Variants in NPAS3 observed in about 807,000 individuals in gnomAD.
The protein encoded by NPAS3 is neuronal PAS domain protein 3.
Under a neutral mutation model 73.1 loss-of-function variants are expected in NPAS3, and 14 were observed. The ratio of observed to expected loss-of-function variants is 0.19; its 90% confidence interval spans 0.13 to 0.30. The LOEUF is 0.30. NPAS3 is among the 10% of genes least tolerant of loss of function. The pLI is 1.00. For synonymous variants in NPAS3, 620 were observed against 541.5 expected (o/e 1.14, Z -2.01); for missense variants, 1,096 against 1,250.0 (o/e 0.88, Z 1.86).
chr14:32,971,858 A>G (rs931527995), intron 1 of NPAS3, among the ~76,000 whole-genome samples: 3 of 152,114 alleles, frequency 2.0e-5, no homozygotes, highest in African/African-American at 7.2e-5. Context: ...AATCTGGTAA[A>G]CAGCATTTAT....
chr14:33,090,856 T>C (rs990887332), intron 2 of NPAS3, among the ~76,000 whole-genome samples: 3 of 152,116 alleles, frequency 2.0e-5, no homozygotes, highest in African/African-American at 7.2e-5. Context: ...TCAAAACCGC[T>C]CAACTACATG....
At chr14:32,943,533 T>C (rs2036118406) in intron 1 of NPAS3, among the ~76,000 whole-genome samples, 1 of 152,174 alleles carries the variant, frequency 6.6e-6, no homozygotes, top group Non-Finnish European at 1.5e-5. Flanking sequence ...CAATTGTGTC[T>C]GTTTGAAGTA....
intron 3 of NPAS3, among the ~76,000 whole-genome samples, chr14:33,228,837 G>A (rs1417585326): frequency 1.3e-5 from 2 of 152,190 alleles, no homozygotes; most frequent in Admixed American, 1.3e-4. Flanking sequence ...AGGAGAAAAA[G>A]ACGGTAGTCC....
intron 4 of NPAS3, among the ~76,000 whole-genome samples, chr14:33,377,316 A>G (rs1408390892): frequency 6.6e-6 from 1 of 152,214 alleles, no homozygotes; most frequent in African/African-American, 2.4e-5. Flanking sequence ...GTGACATGCC[A>G]TTACTCTCCT....
upstream of NPAS3, among the ~76,000 whole-genome samples, chr14:32,935,248 A>C (rs2035659813): frequency 6.6e-6 from 1 of 152,220 alleles, no homozygotes; most frequent in South Asian, 2.1e-4. Context: ...CCAGAGCTTC[A>C]GCCCCGAGTA....
chr14:32,956,695 A>G (rs2036683954), intron 1 of NPAS3, among the ~76,000 whole-genome samples: 1 of 152,204 alleles, frequency 6.6e-6, no homozygotes, highest in Non-Finnish European at 1.5e-5. Context: ...ATTCAGACAT[A>G]TTGACATATG....
chr14:33,469,347 G>C (rs1241239086), intron 4 of NPAS3, among the ~76,000 whole-genome samples: 1 of 151,046 alleles, frequency 6.6e-6, no homozygotes, highest in Non-Finnish European at 1.5e-5. Context: ...CTATGTGCTA[G>C]TCATAGAGTG....
intron 1 of NPAS3, among the ~76,000 whole-genome samples, chr14:32,997,797 C>CTTCCACCATGA (rs2038644146): frequency 6.6e-6 from 1 of 151,814 alleles, no homozygotes; most frequent in Admixed American, 6.6e-5. Flanking sequence ...CTTGCTCCTC[C>CTTCCACCATGA]TTGCCTTCCA....
At chr14:32,938,174 A>G (rs1412411030), upstream of NPAS3, among the ~76,000 whole-genome samples, 1 of 152,064 alleles carries the variant, frequency 6.6e-6, no homozygotes, top group Non-Finnish European at 1.5e-5. Context: ...CGCTGCTGAG[A>G]GCGCCAGAGC....
At chr14:33,142,895 A>G (rs1416578243) in intron 2 of NPAS3, among the ~76,000 whole-genome samples, 2 of 148,842 alleles carry the variant, frequency 1.3e-5, no homozygotes, top group African/African-American at 2.5e-5. Context: ...TGAGGTCAGG[A>G]GTTCAAGACC....
At chr14:33,287,625 C>T (rs2041931308) in intron 3 of NPAS3, among the ~76,000 whole-genome samples, 2 of 152,188 alleles carry the variant, frequency 1.3e-5, no homozygotes, top group South Asian at 4.1e-4. Context: ...TCTCCTACTA[C>T]TTAGTGCAAG....
intron 2 of NPAS3, among the ~76,000 whole-genome samples, chr14:33,206,205 A>T (rs1406699477): frequency 6.6e-6 from 1 of 152,230 alleles, no homozygotes. Flanking sequence ...TTATTCCTAT[A>T]GCGGCAATAT....
At chr14:33,032,394 G>A (rs917537615) in intron 1 of NPAS3, among the ~76,000 whole-genome samples, 2 of 152,164 alleles carry the variant, frequency 1.3e-5, no homozygotes, top group Non-Finnish European at 2.9e-5. Context: ...CAAGGCAAAA[G>A]GAAATGAAGG....
Position 33,473,013 on chromosome 14 carries a change from G to A in NPAS3, c.469-87108G>A, listed in dbSNP as rs1467866858. On this transcript the variant is annotated intron_variant, in intron 4 of 11. Transcript: ENST00000356141. ...AAATTTCCTGCGGGGGGAACTGTAAGCATGTTTGCTTGAGCTTTGCAGAGT... is the reference window on the plus strand; with the variant it reads ...AAATTTCCTGCGGGGGGAACTGTAAACATGTTTGCTTGAGCTTTGCAGAGT... 5.6e-5 allele frequency among the ~76,000 whole-genome samples: 8 copies of A among 143,416 alleles called. 1 individual carries two copies. The highest frequency in any genetic ancestry group is 2.4e-4 in the African/African-American group (8 of 33,214). 94.1% of individuals were successfully genotyped at this position (143,416 alleles called of 152,430 possible). A position where few individuals can be genotyped will look rare whatever the true frequency, so the allele number is the denominator to read the frequency against.
intron 4 of NPAS3, among the ~76,000 whole-genome samples, chr14:33,382,187 T>G (rs1455436078): frequency 6.6e-6 from 1 of 152,116 alleles, no homozygotes; most frequent in Non-Finnish European, 1.5e-5. Context: ...TACTCACTTC[T>G]ACATGCTGCA....
chr14:33,394,275 A>AC (rs2047129202), intron 4 of NPAS3, among the ~76,000 whole-genome samples: 1 of 152,028 alleles, frequency 6.6e-6, no homozygotes, highest in African/African-American at 2.4e-5. Flanking sequence ...GTGAACTCTG[A>AC]CCCCCACTGT....
intron 6 of NPAS3, among the ~76,000 whole-genome samples, chr14:33,690,989 A>G (rs1286758188): frequency 6.6e-6 from 1 of 152,210 alleles, no homozygotes; most frequent in Non-Finnish European, 1.5e-5. Context: ...TTAATCATCT[A>G]ATGCACTGAT....
At chr14:33,423,157 A>G (rs1037636778) in intron 4 of NPAS3, among the ~76,000 whole-genome samples, 2 of 152,044 alleles carry the variant, frequency 1.3e-5, no homozygotes, top group Non-Finnish European at 2.9e-5. Flanking sequence ...TTTTGAGGAC[A>G]AGTTGGGTTG....
intron 11 of NPAS3, among the ~76,000 whole-genome samples, chr14:33,798,225 A>C (rs2063570664): frequency 2.0e-5 from 3 of 152,126 alleles, no homozygotes; most frequent in Non-Finnish European, 4.4e-5. Flanking sequence ...TGCAGAACAA[A>C]CGCATGCATT....
Sources: allele counts gnomAD v4.1 joint callset (sites outside exome capture counted in the v4.1 genomes callset), GRCh38; gene constraint gnomAD v4.1.1; transcripts MANE v1.5; gene names NCBI Gene and HGNC (gene_info 2026-07-23, HGNC 2026-07-21).